The following LRMDA variants were observed in gnomAD, a reference collection of about 807,000 sequenced individuals.
LRMDA encodes leucine-rich melanocyte differentiation-associated protein.
LRMDA carries 18 observed loss-of-function variants against 29.8 expected under a neutral mutation model. The ratio of observed to expected loss-of-function variants is 0.60; its 90% CI spans 0.42 to 0.90. The LOEUF (loss-of-function observed/expected upper bound fraction) is 0.90, where lower values mean the gene tolerates loss of function less well. Ranked by LOEUF, LRMDA falls within the 40% of genes least tolerant of loss-of-function variation. The pLI is 0.00. For missense variants in LRMDA, 273 were observed against 273.9 expected (o/e 1.00, Z 0.02); for synonymous variants, 125 against 109.4 (o/e 1.14, Z -0.89).
chr10:76,172,530 A>C (rs1193774888), intron 5 of LRMDA, among the ~76,000 whole-genome samples: 1 of 152,166 alleles, frequency 6.6e-6, no homozygotes, highest in Non-Finnish European at 1.5e-5. Context: ...GCATTAATGG[A>C]GAGGAGAGAA....
intron 2 of LRMDA, among the ~76,000 whole-genome samples, chr10:75,965,581 GGCCACTGT>G (rs955307462): frequency 2.0e-5 from 3 of 152,060 alleles, no homozygotes; most frequent in Non-Finnish European, 4.4e-5. Flanking sequence ...TGAATTTGAA[GGCCACTGT>G]GAAAAGAAAA....
intron 2 of LRMDA, among the ~76,000 whole-genome samples, chr10:75,934,076 A>G (rs1233240554): frequency 6.6e-6 from 1 of 152,216 alleles, no homozygotes; most frequent in Non-Finnish European, 1.5e-5. Flanking sequence ...AAGCTATTCA[A>G]CAATAGTAGT....
intron 2 of LRMDA, among the ~76,000 whole-genome samples, chr10:75,543,186 G>T (rs1275522506): frequency 1.3e-5 from 2 of 152,212 alleles, no homozygotes; most frequent in Non-Finnish European, 2.9e-5. Context: ...TTGACGGATT[G>T]CTTTCCCGCA....
intron 2 of LRMDA, among the ~76,000 whole-genome samples, chr10:75,740,914 CATATATATAT>C (rs146363680): frequency 6.7e-6 from 1 of 149,606 alleles, no homozygotes; most frequent in Non-Finnish European, 1.5e-5. Context: ...GCCTGTCATT[CATATATATAT>C]ATATATGGAA....
intron 5 of LRMDA, among the ~76,000 whole-genome samples, chr10:76,217,195 A>C (rs1851744006): frequency 6.6e-6 from 1 of 152,234 alleles, no homozygotes; most frequent in Non-Finnish European, 1.5e-5. Context: ...TGTATATGGT[A>C]TAATAATATT....
chr10:75,851,231 G>T (rs1301869280), intron 2 of LRMDA, among the ~76,000 whole-genome samples: 1 of 152,130 alleles, frequency 6.6e-6, no homozygotes, highest in Non-Finnish European at 1.5e-5. Context: ...GACATGAAGG[G>T]TGCTGGGATA....
At chr10:75,455,779 A>T (rs1289770115) in intron 2 of LRMDA, among the ~76,000 whole-genome samples, 1 of 152,216 alleles carries the variant, frequency 6.6e-6, no homozygotes, top group Non-Finnish European at 1.5e-5. Context: ...AAGGGAGAGC[A>T]TCTTCAAAAG....
Position 75,802,486 on chromosome 10 carries a change from G to C in LRMDA, c.132-233522G>C, listed in dbSNP as rs1589211391. 3.9e-5 allele frequency among the ~76,000 whole-genome samples: 6 copies of C among 152,262 alleles called. No homozygotes were observed. In the South Asian group the frequency reaches 1.2e-3, roughly 32 times the overall value. On this transcript the variant is annotated intron_variant, in intron 2 of 6. Coordinates refer to ENST00000611255, the MANE Select transcript of LRMDA (RefSeq NM_001305581.2). ...GTGTAAGTCATTACAAATGTCACCT[G>C]GCTAATGTTCATTAATGATTAGCTA... is the stretch of plus-strand genomic sequence containing the variant.
intron 2 of LRMDA, among the ~76,000 whole-genome samples, chr10:75,761,031 T>G (rs1159238271): frequency 6.6e-6 from 1 of 152,208 alleles, no homozygotes; most frequent in Non-Finnish European, 1.5e-5. Flanking sequence ...GTTCTAGGCC[T>G]CAGGATCCAA....
intron 5 of LRMDA, among the ~76,000 whole-genome samples, chr10:76,264,913 TTCACTGAGGTA>T (rs1839988245): frequency 6.6e-6 from 1 of 152,174 alleles, no homozygotes; most frequent in Non-Finnish European, 1.5e-5. Context: ...AGTGCAACCT[TTCACTGAGGTA>T]TCACAGACAG....
At chr10:76,368,263 C>T (rs1841414986) in intron 6 of LRMDA, among the ~76,000 whole-genome samples, 1 of 152,070 alleles carries the variant, frequency 6.6e-6, no homozygotes, top group South Asian at 2.1e-4. Context: ...TTTAGCACTG[C>T]CTTTGCTGTA....
At chr10:76,130,711 G>A (rs1469902748) in intron 5 of LRMDA, among the ~76,000 whole-genome samples, 3 of 152,080 alleles carry the variant, frequency 2.0e-5, no homozygotes, top group African/African-American at 7.2e-5. Context: ...CCAGGCTGGA[G>A]TGCAAAGGTG....
intron 2 of LRMDA, among the ~76,000 whole-genome samples, chr10:75,837,581 C>T (rs1844462304): frequency 6.6e-6 from 1 of 151,992 alleles, no homozygotes; most frequent in African/African-American, 2.4e-5. Context: ...TTTGAAGGCT[C>T]AAGAATTCCA....
Position 75,975,734 on chromosome 10 carries a change from G to T in LRMDA, c.132-60274G>T, listed in dbSNP as rs563045891. Among the ~76,000 whole-genome samples the T allele has an allele frequency of 2.0e-5, 3 of 152,286 alleles. No individual in the cohort carries two copies. The East Asian group carries it at 5.8e-4, about 29-fold the overall frequency. ...CTATCTCTAAAGTTCTTTTAGAATA[G>T]AAATCATGTCTGCTCAATATTCTAC... is the stretch of plus-strand genomic sequence containing the variant. On this transcript the variant is annotated intron_variant, in intron 2 of 6. Transcript: ENST00000611255.
intron 5 of LRMDA, among the ~76,000 whole-genome samples, chr10:76,128,242 G>A (rs1212421263): frequency 6.6e-6 from 1 of 152,218 alleles, no homozygotes; most frequent in African/African-American, 2.4e-5. Flanking sequence ...AGGTGTGTGT[G>A]TGGAGGAAAA....
At chr10:75,673,231 T>C (rs551716140) in intron 2 of LRMDA, among the ~76,000 whole-genome samples, 3 of 152,124 alleles carry the variant, frequency 2.0e-5, no homozygotes, top group Non-Finnish European at 2.9e-5. Context: ...GTAAAATCAT[T>C]TGGAGGCATG....
At chr10:76,551,776 A>G (rs147191363) in intron 6 of LRMDA, among the ~76,000 whole-genome samples, 59 of 152,230 alleles carry the variant, frequency 3.9e-4, no homozygotes, top group African/African-American at 1.3e-3. Context: ...CCATGGAAAC[A>G]TTGTTCTAGA....
chr10:76,062,435 G>A (rs887588625), intron 5 of LRMDA, among the ~76,000 whole-genome samples: 4 of 152,132 alleles, frequency 2.6e-5, no homozygotes, highest in Admixed American at 1.3e-4. Context: ...GCCCGATGTC[G>A]CAGAGGTCTG....
chr10:76,387,363 G>A (rs1301340080), intron 6 of LRMDA, among the ~76,000 whole-genome samples: 3 of 152,136 alleles, frequency 2.0e-5, no homozygotes, highest in Non-Finnish European at 2.9e-5. Context: ...CATTTTGGGA[G>A]GCTGAGGTGG....
Sources: allele counts gnomAD v4.1 joint callset (sites outside exome capture counted in the v4.1 genomes callset), GRCh38; gene constraint gnomAD v4.1.1; transcripts MANE v1.5; gene names NCBI Gene and HGNC (gene_info 2026-07-23, HGNC 2026-07-21).